Variants in PDE10A observed in about 807,000 individuals in gnomAD.
PDE10A encodes the protein cAMP and cAMP-inhibited cGMP 3',5'-cyclic phosphodiesterase 10A.
In PDE10A, 39 loss-of-function variants were observed where a neutral mutation model predicts 97.7. The observed-to-expected ratio is 0.40, with a 90% CI of 0.31 to 0.52. The LOEUF (loss-of-function observed/expected upper bound fraction) is 0.52, where lower values mean the gene tolerates loss of function less well. PDE10A is among the 20% of genes least tolerant of loss of function. PDE10A has a pLI of 0.56. For synonymous variants in PDE10A, 371 were observed against 376.8 expected (o/e 0.98, Z 0.18); for missense variants, 731 against 1,047.8 (o/e 0.70, Z 4.17).
chr6:165,847,656 AT>A (rs892675628), intron 1 of PDE10A, among the ~76,000 whole-genome samples: 6 of 152,250 alleles, frequency 3.9e-5, no homozygotes, highest in African/African-American at 1.4e-4. Flanking sequence ...GTCATTTCTG[AT>A]AACGTCTTGC....
Position 165,844,173 on chromosome 6 carries a change from A to T in PDE10A, c.-615+143356T>A, listed in dbSNP as rs1486402192. On this transcript the variant is annotated intron_variant, in intron 1 of 19. Coordinates refer to the PDE10A transcript ENST00000366882. ...TCCCCCTGGAGGAGGGTACAAGCCC[A>T]TTTGTCCCTGGGGCTGGAGCACTGC... 2.0e-5 allele frequency among the ~76,000 whole-genome samples: 3 copies of T among 152,142 alleles called. No individual in the cohort carries two copies. The East Asian group carries it at 5.8e-4, about 29-fold the overall frequency.
chr6:165,932,052 G>A (rs931324139), intron 1 of PDE10A, among the ~76,000 whole-genome samples: 8 of 152,142 alleles, frequency 5.3e-5, no homozygotes, highest in African/African-American at 1.7e-4. Flanking sequence ...CACAAAAGCA[G>A]AAACCATCAA....
At chr6:165,415,660 A>G (rs1268409559) in intron 12 of PDE10A, among the ~76,000 whole-genome samples, 4 of 152,178 alleles carry the variant, frequency 2.6e-5, no homozygotes, top group Admixed American at 1.3e-4. Context: ...CTGTGATCTT[A>G]AAACAACAGC....
intron 1 of PDE10A, among the ~76,000 whole-genome samples, chr6:165,807,053 T>C (rs1779161261): frequency 6.6e-6 from 1 of 152,208 alleles, no homozygotes; most frequent in South Asian, 2.1e-4. Context: ...ATGGAGTTCT[T>C]TTGGACCAGC....
Position 165,823,382 on chromosome 6 carries a change from T to C in PDE10A, c.-615+164147A>G, listed in dbSNP as rs576352294. The stretch of plus-strand genomic sequence containing the variant: ...TCTCCCACCTCCACCTCTTGTCCCA[T>C]TGGAAGGTCTTCAGGGACAATGACA... On this transcript the variant is annotated intron_variant, in intron 1 of 19. Coordinates refer to the PDE10A transcript ENST00000366882. Among the ~76,000 whole-genome samples, 14 of 149,610 alleles carry C rather than the reference T, an allele frequency of 9.4e-5. No individual in the cohort carries two copies. The South Asian group carries it at 2.1e-3, about 23-fold the overall frequency.
rs536328773 is a variant in PDE10A at position 165,441,424 on chromosome 6, C to T, written c.1195-6047G>A. The stretch of plus-strand genomic sequence containing the variant: ...TTTGGTACTTAGCAGATGTTTTAAA[C>T]GGTTTGTTAAACAAACAGCATTTAT... On this transcript the variant is annotated intron_variant, in intron 5 of 21. Transcript: ENST00000539869. Among the ~76,000 whole-genome samples, 8 of 152,246 alleles carry T rather than the reference C, an allele frequency of 5.3e-5. No individual in the cohort carries two copies. The South Asian group carries it at 6.2e-4, about 12-fold the overall frequency.
intron 1 of PDE10A, among the ~76,000 whole-genome samples, chr6:165,792,053 G>C (rs1379038411): frequency 6.6e-6 from 1 of 152,176 alleles, no homozygotes; most frequent in Non-Finnish European, 1.5e-5. Context: ...CAGCCTGCCT[G>C]CCGGTCATGG....
chr6:165,853,278 T>C (rs1275462427), intron 1 of PDE10A, among the ~76,000 whole-genome samples: 2 of 152,252 alleles, frequency 1.3e-5, no homozygotes, highest in Non-Finnish European at 1.5e-5. Flanking sequence ...TTTATGTTTG[T>C]TCTGGAAATA....
intron 1 of PDE10A, among the ~76,000 whole-genome samples, chr6:165,568,673 G>T (rs1784910067): frequency 6.6e-6 from 1 of 152,136 alleles, no homozygotes; most frequent in South Asian, 2.1e-4. Flanking sequence ...GAATAGTGAT[G>T]CTGGCAATTC....
chr6:165,414,993 T>C (rs1788204910), intron 12 of PDE10A, among the ~76,000 whole-genome samples: 1 of 152,248 alleles, frequency 6.6e-6, no homozygotes, highest in African/African-American at 2.4e-5. Context: ...TAAAATCACC[T>C]GCCCTTTGTA....
chr6:165,943,191 GAAAGA>G (rs1783601125), intron 1 of PDE10A, among the ~76,000 whole-genome samples: 1 of 51,874 alleles, frequency 1.9e-5, no homozygotes, highest in East Asian at 4.9e-4. Flanking sequence ...AAGAAAGAAA[GAAAGA>G]AAGAAAGAAA....
chr6:165,913,138 T>A (rs1782506687), intron 1 of PDE10A, among the ~76,000 whole-genome samples: 1 of 152,134 alleles, frequency 6.6e-6, no homozygotes, highest in African/African-American at 2.4e-5. Context: ...GAAACATAAA[T>A]AAGTGTTGTG....
At chr6:165,905,479 C>A (rs1368323303) in intron 1 of PDE10A, among the ~76,000 whole-genome samples, 1 of 152,020 alleles carries the variant, frequency 6.6e-6, no homozygotes, top group Non-Finnish European at 1.5e-5. Flanking sequence ...ATTTCACTAA[C>A]AAACACTTTT....
chr6:165,359,907 T>C (rs1024452031), intron 18 of PDE10A, among the ~76,000 whole-genome samples: 1 of 152,200 alleles, frequency 6.6e-6, no homozygotes, highest in Non-Finnish European at 1.5e-5. Context: ...CCTGAGGCTT[T>C]AGAGTGCCAA....
chr6:165,462,712 A>T (rs1778400335), intron 3 of PDE10A, among the ~76,000 whole-genome samples: 1 of 152,224 alleles, frequency 6.6e-6, no homozygotes, highest in African/African-American at 2.4e-5. Flanking sequence ...AAACCTGAGG[A>T]AAGCAGTACA....
At chr6:165,334,781 T>C (rs1781551501) in intron 21 of PDE10A, among the ~76,000 whole-genome samples, 1 of 152,160 alleles carries the variant, frequency 6.6e-6, no homozygotes, top group East Asian at 1.9e-4. Flanking sequence ...GGTGGGATGC[T>C]ACGTTTATAT....
At chr6:165,500,034 G>A (rs1013577755) in intron 2 of PDE10A, among the ~76,000 whole-genome samples, 1 of 152,134 alleles carries the variant, frequency 6.6e-6, no homozygotes, top group Non-Finnish European at 1.5e-5. Context: ...TGGAGAACAA[G>A]GCAAGAGCAT....
chr6:165,824,331 C>A (rs993162552), intron 1 of PDE10A, among the ~76,000 whole-genome samples: 3 of 152,308 alleles, frequency 2.0e-5, no homozygotes, highest in Admixed American at 2.0e-4. Context: ...ACAAAAAGTT[C>A]AATCCCCAAA....
At chr6:165,495,458 C>G (rs541613364) in intron 2 of PDE10A, among the ~76,000 whole-genome samples, 1 of 152,260 alleles carries the variant, frequency 6.6e-6, no homozygotes, top group South Asian at 2.1e-4. Flanking sequence ...AACCTTGAAA[C>G]CTGCCTTACT....
Sources: gnomAD v4.1 joint callset for allele counts (sites outside exome capture counted in the v4.1 genomes callset) on GRCh38, gnomAD v4.1.1 for gene constraint, MANE v1.5 for transcripts, NCBI Gene and HGNC (gene_info 2026-07-23, HGNC 2026-07-21) for gene names.